Variants in SFMBT2 observed in about 807,000 individuals in gnomAD.
SFMBT2 encodes Scm like with four mbt domains 2, also known as scm-like with four MBT domains protein 2.
A neutral mutation model predicts 110.1 loss-of-function variants in SFMBT2; 38 were observed. The observed-to-expected ratio is 0.35, with a 90% CI of 0.27 to 0.45. The LOEUF is 0.45. Ranked by LOEUF, SFMBT2 falls within the 20% of genes least tolerant of loss-of-function variation. SFMBT2 has a pLI of 1.00. For missense variants in SFMBT2, 1,011 were observed against 1,094.9 expected, an observed-to-expected ratio of 0.92 and a Z score of 1.08; for synonymous variants, 425 against 425.4, an observed-to-expected ratio of 1.00 and a Z score of 0.01.
At position 7,366,404 on chromosome 10, in the gene SFMBT2, A is replaced by C. The variant is rs556795925; in HGVS notation, c.436+1245T>G. On this transcript the variant is annotated intron_variant, in intron 4 of 20. Coordinates refer to ENST00000397167, the MANE Select transcript of SFMBT2 (RefSeq NM_001387889.1). ...AATTAAAAAACCACAGGCTATTCCA[A>C]ATTATCAGAAAAACAATATATCATA... is the stretch of plus-strand genomic sequence containing the variant. Among the ~76,000 whole-genome samples, 6 of 151,792 alleles carry C rather than the reference A, an allele frequency of 4.0e-5. No individual in the cohort carries two copies. In the East Asian group the frequency reaches 1.2e-3, roughly 29 times the overall value.
At chr10:7,380,882 T>C (rs1268566466) in intron 2 of SFMBT2, among the ~76,000 whole-genome samples, 1 of 151,932 alleles carries the variant, frequency 6.6e-6, no homozygotes, top group Admixed American at 6.6e-5. Context: ...AGACCCCATC[T>C]CCACAAAAAA....
chr10:7,317,103 C>G (rs1444102401), intron 4 of SFMBT2, among the ~76,000 whole-genome samples: 1 of 152,140 alleles, frequency 6.6e-6, no homozygotes, highest in Non-Finnish European at 1.5e-5. Flanking sequence ...GAAAGCACTG[C>G]TCCTTCAGGA....
chr10:7,287,684 G>C (rs1246399268), intron 4 of SFMBT2, among the ~76,000 whole-genome samples: 1 of 152,182 alleles, frequency 6.6e-6, no homozygotes, highest in Admixed American at 6.5e-5. Context: ...CCCCATTTAA[G>C]GTCCAAGACC....
chr10:7,363,858 T>C lies in SFMBT2; in HGVS notation c.436+3791A>G, dbSNP rs1844806495. Among the ~76,000 whole-genome samples the C allele has an allele frequency of 2.0e-5, 3 of 151,886 alleles. No homozygotes were observed. The South Asian group carries it at 6.3e-4, about 32-fold the overall frequency. On this transcript the variant is annotated intron_variant, in intron 4 of 20. Transcript: ENST00000397167. ...ATACCACTCTGACTCCTGGAATCAG[T>C]AAGAAAATCTCCGTCTCACCAAGAA... is the stretch of plus-strand genomic sequence containing the variant.
chr10:7,332,554 T>A (rs1843593224), intron 4 of SFMBT2, among the ~76,000 whole-genome samples: 1 of 152,214 alleles, frequency 6.6e-6, no homozygotes, highest in Non-Finnish European at 1.5e-5. Context: ...GTTTGAGAAA[T>A]TTTTACAATG....
Position 7,172,178 on chromosome 10 carries a change from AT to A in SFMBT2, c.2152-21del, listed in dbSNP as rs775022690. The A allele has an allele frequency of 6.5e-7, 1 of 1,530,516 alleles. No individual in the cohort carries two copies. The highest frequency in any genetic ancestry group is 8.8e-7 in the Non-Finnish European group (1 of 1,137,952). The allele number at this position is 1,530,516 out of a possible 1,614,324, so 94.8% of individuals were successfully genotyped here. A position where few individuals can be genotyped will look rare whatever the true frequency, so the allele number is the denominator to read the frequency against. ...ACTTTCCTGGGAAGGAGGAAAAGGCATTTAAGGGGCTGGTGGCCCGGGGGCC... is the reference window on the plus strand; with the variant it reads ...ACTTTCCTGGGAAGGAGGAAAAGGCATTAAGGGGCTGGTGGCCCGGGGGCC... On this transcript the variant is annotated intron_variant, in intron 18 of 20. Coordinates refer to ENST00000397167, the MANE Select transcript of SFMBT2 (RefSeq NM_001387889.1). This position sits in a 1 kb window ranked among gnomAD's most constrained non-coding sequence, Gnocchi z 4.6.
At chr10:7,278,280 G>A (rs1447507546) in intron 6 of SFMBT2, among the ~76,000 whole-genome samples, 1 of 152,196 alleles carries the variant, frequency 6.6e-6, no homozygotes, top group Non-Finnish European at 1.5e-5. Context: ...TGTCCACAGT[G>A]AGAAGGGGGC....
intron 14 of SFMBT2, chr10:7,198,093 C>CCA (rs1838835985): frequency 2.0e-6 from 2 of 985,086 alleles, no homozygotes; most frequent in South Asian, 9.4e-5. Context: ...GTCAACTTCA[C>CCA]CACACACAGA....
At chr10:7,349,425 TTTTTC>T (rs1472575257) in intron 4 of SFMBT2, among the ~76,000 whole-genome samples, 2 of 138,552 alleles carry the variant, frequency 1.4e-5, no homozygotes, top group African/African-American at 2.7e-5. Flanking sequence ...CCCTGACTCT[TTTTTC>T]TTTTCTTTTC....
chr10:7,243,956 A>C, intron 8 of SFMBT2: 1 of 259,696 alleles, frequency 3.9e-6, no homozygotes, highest in Non-Finnish European at 6.0e-6. Flanking sequence ...GAACAAAATC[A>C]AAGACTTAGA....
chr10:7,410,577 G>A (rs1381171712), intron 1 of SFMBT2, among the ~76,000 whole-genome samples: 1 of 152,154 alleles, frequency 6.6e-6, no homozygotes, highest in African/African-American at 2.4e-5. Context: ...GGGGACCCGG[G>A]AAGCAAAAAT....
At chr10:7,167,420 A>G (rs1398222419) in intron 20 of SFMBT2, among the ~76,000 whole-genome samples, 1 of 152,222 alleles carries the variant, frequency 6.6e-6, no homozygotes, top group Non-Finnish European at 1.5e-5. Context: ...GACGCTGGTC[A>G]TGGGGAGTTC....
At chr10:7,237,659 T>TC (rs546452121) in intron 9 of SFMBT2, among the ~76,000 whole-genome samples, 1 of 152,306 alleles carries the variant, frequency 6.6e-6, no homozygotes, top group East Asian at 1.9e-4. Flanking sequence ...CACCCACTAT[T>TC]CCAGCTACTG....
At chr10:7,361,054 C>T (rs913917260) in intron 4 of SFMBT2, among the ~76,000 whole-genome samples, 1 of 152,146 alleles carries the variant, frequency 6.6e-6, no homozygotes, top group Non-Finnish European at 1.5e-5. Context: ...AATAATCCTA[C>T]CCTTTCTTAT....
Position 7,408,859 on chromosome 10 carries a change from C to T in SFMBT2, c.-52+2002G>A, listed in dbSNP as rs1846294901. On this transcript the variant is annotated intron_variant, in intron 1 of 20. Transcript: ENST00000397167. This position sits in a 1 kb window ranked among gnomAD's most constrained non-coding sequence, Gnocchi z 5.7. ...TTTCCCCCGCACTTCGCCGCCCACTCACATCCCCCGGCGACTGCCCGGCCT... is the reference window on the plus strand; with the variant it reads ...TTTCCCCCGCACTTCGCCGCCCACTTACATCCCCCGGCGACTGCCCGGCCT... The T allele has an allele frequency of 6.6e-6, 1 of 152,562 alleles. No individual in the cohort carries two copies. The highest frequency in any genetic ancestry group is 1.5e-5 in the Non-Finnish European group (1 of 68,294). The allele number at this position is 152,562 out of a possible 1,614,324, so 9.5% of individuals were successfully genotyped here.
rs553222765 is a variant in SFMBT2 at position 7,161,841 on chromosome 10, C to T, written c.*1929G>A. ...CTGAGAATCATATCTGGAAATGTCACAGAAATGCAAGCAGCTCATCAGCCC... is the reference window on the plus strand; with the variant it reads ...CTGAGAATCATATCTGGAAATGTCATAGAAATGCAAGCAGCTCATCAGCCC... On this transcript the variant is annotated 3_prime_UTR_variant, in exon 21 of 21. Coordinates refer to ENST00000397167, the MANE Select transcript of SFMBT2 (RefSeq NM_001387889.1). 6.6e-6 allele frequency: 1 copy of T among 152,144 alleles called. No homozygotes were observed. The highest frequency in any genetic ancestry group is 1.9e-4 in the East Asian group (1 of 5,196). 9.4% of individuals were successfully genotyped at this position (152,144 alleles called of 1,614,324 possible).
At chr10:7,196,956 A>G (rs573440930) in intron 15 of SFMBT2, among the ~76,000 whole-genome samples, 1 of 152,328 alleles carries the variant, frequency 6.6e-6, no homozygotes, top group African/African-American at 2.4e-5. Context: ...AAGGCAGCAG[A>G]AGAAATGGGG....
In SFMBT2 at chr10:7,160,288, T is replaced by A. The variant is rs1837516060; in HGVS notation, c.*3482A>T. 6.6e-6 allele frequency: 1 copy of A among 152,248 alleles called. No individual in the cohort carries two copies. Among genetic ancestry groups the A allele is most frequent in the Non-Finnish European group, 1.5e-5 (1 of 68,056 alleles). 9.4% of individuals were successfully genotyped at this position (152,248 alleles called of 1,614,324 possible). A position where few individuals can be genotyped will look rare whatever the true frequency, so the allele number is the denominator to read the frequency against. ...TGTTGTTTTTCTAGGTTGTTAGGCT[T>A]ATGTCTTTGTGGACAGGATATTTTT... On this transcript the variant is annotated 3_prime_UTR_variant, in exon 21 of 21. Transcript: ENST00000397167.
intron 7 of SFMBT2, among the ~76,000 whole-genome samples, chr10:7,258,967 A>G (rs575592381): frequency 1.8e-4 from 27 of 152,250 alleles, no homozygotes; most frequent in Admixed American, 4.6e-4. Flanking sequence ...GATTTTGTCT[A>G]GTAGCTGTGC....
Sources: allele counts gnomAD v4.1 joint callset (sites outside exome capture counted in the v4.1 genomes callset), GRCh38; gene constraint gnomAD v4.1.1; non-coding constraint Gnocchi (gnomAD v3.1); transcripts MANE v1.5; gene names NCBI Gene and HGNC (gene_info 2026-07-23, HGNC 2026-07-21).